PDE3A: variants seen among roughly 807,000 people sequenced by gnomAD.
The protein encoded by PDE3A is cGMP-inhibited 3',5'-cyclic phosphodiesterase 3A.
Under a neutral mutation model 98.3 loss-of-function variants are expected in PDE3A, and 43 were observed. The ratio of observed to expected loss-of-function variants is 0.44; its 90% CI spans 0.34 to 0.56. The LOEUF (loss-of-function observed/expected upper bound fraction) is 0.56. PDE3A is among the 20% of genes least tolerant of loss of function. The pLI is 0.01. For synonymous variants in PDE3A, 663 were observed against 567.9 expected (o/e 1.17, Z -2.38); for missense variants, 1,427 against 1,440.7 (o/e 0.99, Z 0.15).
At chr12:20,523,022 TGGA>T (rs1346323069) in intron 1 of PDE3A, among the ~76,000 whole-genome samples, 5 of 150,588 alleles carry the variant, frequency 3.3e-5, no homozygotes, top group African/African-American at 1.2e-4. Flanking sequence ...TGAATGCACA[TGGA>T]GGAGGTCTAA....
intron 2 of PDE3A, among the ~76,000 whole-genome samples, chr12:20,594,496 C>T (rs1255212327): frequency 6.7e-6 from 1 of 149,898 alleles, no homozygotes; most frequent in Non-Finnish European, 1.5e-5. Context: ...CCAAGAAGAA[C>T]TGGAGAAAAG....
intron 1 of PDE3A, among the ~76,000 whole-genome samples, chr12:20,519,430 T>C (rs1481620136): frequency 6.6e-6 from 1 of 152,186 alleles, no homozygotes; most frequent in Non-Finnish European, 1.5e-5. Flanking sequence ...GTAAGGAATA[T>C]ATATCTCAAT....
intron 3 of PDE3A, 44 bp from the exon 4 acceptor site, chr12:20,616,186 A>AGAT: frequency 6.5e-7 from 1 of 1,549,770 alleles, no homozygotes; most frequent in Non-Finnish European, 8.8e-7. Context: ...AAAATTTAAG[A>AGAT]GATATAAAAT....
At chr12:20,390,435 G>C (rs1304969706) in intron 1 of PDE3A, among the ~76,000 whole-genome samples, 1 of 147,408 alleles carries the variant, frequency 6.8e-6, no homozygotes, top group Non-Finnish European at 1.5e-5. Context: ...GATAGTAGTG[G>C]TGGGCAGGAA....
intron 14 of PDE3A, 50 bp from the exon 15 acceptor site, chr12:20,653,897 A>G: frequency 6.3e-7 from 1 of 1,592,764 alleles, no homozygotes; most frequent in Non-Finnish European, 8.6e-7. Context: ...ACATATTTAC[A>G]AATTTCAGAT....
intron 8 of PDE3A, 75 bp downstream of exon 8, chr12:20,635,131 A>G: frequency 7.3e-7 from 1 of 1,374,834 alleles, no homozygotes; most frequent in East Asian, 2.3e-5. Flanking sequence ...TCAGAAATGA[A>G]TCTTTGAGGC....
At chr12:20,519,387 G>A (rs1347244193) in intron 1 of PDE3A, among the ~76,000 whole-genome samples, 3 of 152,072 alleles carry the variant, frequency 2.0e-5, no homozygotes, top group Non-Finnish European at 4.4e-5. Context: ...ACAATGCTTG[G>A]TATGGAATTG....
chr12:20,510,632 A>G (rs1295168536), intron 1 of PDE3A, among the ~76,000 whole-genome samples: 1 of 152,064 alleles, frequency 6.6e-6, no homozygotes, highest in African/African-American at 2.4e-5. Flanking sequence ...GGAAAGGGCA[A>G]GAAAAGGGAG....
At chr12:20,558,804 C>A (rs1942437495) in intron 2 of PDE3A, among the ~76,000 whole-genome samples, 1 of 152,062 alleles carries the variant, frequency 6.6e-6, no homozygotes, top group Admixed American at 6.5e-5. Flanking sequence ...AGCCTTCCAG[C>A]TTTTCAAGGG....
intron 1 of PDE3A, among the ~76,000 whole-genome samples, chr12:20,497,479 T>C (rs543710679): frequency 6.6e-6 from 1 of 151,682 alleles, no homozygotes; most frequent in South Asian, 2.1e-4. Context: ...GTTTCTGCTA[T>C]AACGTGATTT....
chr12:20,535,135 G>C (rs532390968), intron 1 of PDE3A, among the ~76,000 whole-genome samples: 1 of 152,216 alleles, frequency 6.6e-6, no homozygotes, highest in East Asian at 1.9e-4. Flanking sequence ...AGTTTGAAGT[G>C]TCTGATGTCT....
chr12:20,576,513 T>C (rs1382101364), intron 2 of PDE3A, among the ~76,000 whole-genome samples: 1 of 152,108 alleles, frequency 6.6e-6, no homozygotes, highest in East Asian at 1.9e-4. Flanking sequence ...GGATGAGTAG[T>C]TTGGCAGAAG....
At chr12:20,610,517 A>G (rs1321788724) in intron 2 of PDE3A, among the ~76,000 whole-genome samples, 1 of 151,932 alleles carries the variant, frequency 6.6e-6, no homozygotes, top group African/African-American at 2.4e-5. Context: ...AAATAGAACT[A>G]TATGATCCAA....
intron 1 of PDE3A, among the ~76,000 whole-genome samples, chr12:20,430,981 C>G (rs960054688): frequency 3.3e-5 from 5 of 152,062 alleles, no homozygotes; most frequent in Non-Finnish European, 2.9e-5. Context: ...CTGCAGTTAG[C>G]CACAATAGTT....
In PDE3A at chr12:20,427,388, G is replaced by A. The variant is rs986323517; in HGVS notation, c.960+57144G>A. On this transcript the variant is annotated intron_variant, in intron 1 of 15. Coordinates refer to ENST00000359062, the MANE Select transcript of PDE3A (RefSeq NM_000921.5). ...AATGGAAGTGTATTAATGGGAAATA[G>A]AATAGAAGATAGCTATAGTATGACC... Among the ~76,000 whole-genome samples, 16 of 152,212 alleles carry A rather than the reference G, an allele frequency of 1.1e-4. 1 individual carries two copies. Among genetic ancestry groups the A allele is most frequent in the African/African-American group, 3.6e-4 (15 of 41,440 alleles).
At chr12:20,536,554 C>T (rs1282737981) in intron 1 of PDE3A, among the ~76,000 whole-genome samples, 1 of 152,076 alleles carries the variant, frequency 6.6e-6, no homozygotes, top group African/African-American at 2.4e-5. Flanking sequence ...TCTACTACTT[C>T]CAGGCTTAAT....
At chr12:20,636,788 G>C (rs1246961692) in intron 8 of PDE3A, among the ~76,000 whole-genome samples, 2 of 152,170 alleles carry the variant, frequency 1.3e-5, no homozygotes, top group Non-Finnish European at 2.9e-5. Context: ...GAACCTTGCA[G>C]TAGTCCCAAA....
intron 2 of PDE3A, among the ~76,000 whole-genome samples, chr12:20,586,049 G>A (rs1943188749): frequency 1.3e-5 from 2 of 152,208 alleles, no homozygotes; most frequent in Non-Finnish European, 2.9e-5. Context: ...GTTAGCAAAG[G>A]CCTCCTGGAG....
chr12:20,517,223 C>T (rs901436911), intron 1 of PDE3A, among the ~76,000 whole-genome samples: 1 of 152,138 alleles, frequency 6.6e-6, no homozygotes, highest in African/African-American at 2.4e-5. Context: ...AGTGCCTACA[C>T]CCATTGATTC....
Sources: gnomAD v4.1 joint callset for allele counts (sites outside exome capture counted in the v4.1 genomes callset) on GRCh38, gnomAD v4.1.1 for gene constraint, MANE v1.5 for transcripts, NCBI Gene and HGNC (gene_info 2026-07-23, HGNC 2026-07-21) for gene names.